Variants in ARHGAP15 observed in about 807,000 individuals in gnomAD.
ARHGAP15 encodes rho GTPase-activating protein 15.
Under a neutral mutation model 63.7 loss-of-function variants are expected in ARHGAP15, and 51 were observed. The ratio of observed to expected loss-of-function variants is 0.80; its 90% CI spans 0.64 to 1.01. ARHGAP15 has a LOEUF of 1.01. ARHGAP15 is among the 50% of genes least tolerant of loss of function. The pLI is 0.00. For synonymous variants in ARHGAP15, 191 were observed against 193.8 expected (o/e 0.99, Z 0.12); for missense variants, 560 against 564.6 (o/e 0.99, Z 0.08).
At chr2:143,737,983 C>T (rs993590684) in intron 13 of ARHGAP15, among the ~76,000 whole-genome samples, 1 of 152,076 alleles carries the variant, frequency 6.6e-6, no homozygotes, top group Non-Finnish European at 1.5e-5. Flanking sequence ...GTCTCAAACT[C>T]CTGACCTCAG....
At chr2:143,164,418 C>G (rs1400404574) in intron 2 of ARHGAP15, among the ~76,000 whole-genome samples, 1 of 152,020 alleles carries the variant, frequency 6.6e-6, no homozygotes, top group Admixed American at 6.6e-5. Context: ...GCCATCTTCT[C>G]TATATGAAAT....
chr2:143,220,635 C>T (rs548145979), intron 4 of ARHGAP15, among the ~76,000 whole-genome samples: 14 of 152,238 alleles, frequency 9.2e-5, no homozygotes, highest in Middle Eastern at 3.4e-3. Flanking sequence ...ATGCTTTTAT[C>T]ACTAGCAACA....
chr2:143,487,403 C>A lies in ARHGAP15; in HGVS notation c.734C>A (p.Thr245Lys), dbSNP rs1189278651. The A allele has an allele frequency of 1.9e-6, 3 of 1,613,584 alleles. No homozygotes were observed. The Admixed American group carries it at 5.0e-5, about 27-fold the overall frequency. Residue 245 changes from threonine to lysine, a missense_variant, in exon 9 of 14, where the codon ACA becomes AAA. Transcript: ENST00000295095. ...MFRLHHSASD[T>K]SDKNRVKSRL... ...AGACTGCATCACAGTGCTTCCGATA[C>A]AAGCGACAAAAATCGAGTTAAAAGC...
chr2:143,713,022 G>A (rs1684651790), intron 13 of ARHGAP15, among the ~76,000 whole-genome samples: 1 of 152,154 alleles, frequency 6.6e-6, no homozygotes, highest in Middle Eastern at 3.2e-3. Flanking sequence ...TTGAACAAAT[G>A]GAATCGCGTT....
intron 8 of ARHGAP15, among the ~76,000 whole-genome samples, chr2:143,460,150 A>T (rs989309802): frequency 2.0e-5 from 3 of 152,156 alleles, no homozygotes; most frequent in African/African-American, 7.2e-5. Context: ...TTTCCATAAT[A>T]AATGTTTGTT....
At chr2:143,257,818 A>T (rs866378222) in intron 6 of ARHGAP15, among the ~76,000 whole-genome samples, 1 of 152,110 alleles carries the variant, frequency 6.6e-6, no homozygotes, top group Non-Finnish European at 1.5e-5. Context: ...CCACTGGGGA[A>T]TTTTATGGAG....
intron 12 of ARHGAP15, among the ~76,000 whole-genome samples, chr2:143,639,866 T>A (rs1680523403): frequency 6.6e-6 from 1 of 152,142 alleles, no homozygotes; most frequent in African/African-American, 2.4e-5. Flanking sequence ...GTATTCCACT[T>A]TTTAAAAAAT....
At chr2:143,545,557 G>A (rs1006002351) in intron 10 of ARHGAP15, among the ~76,000 whole-genome samples, 2 of 151,900 alleles carry the variant, frequency 1.3e-5, no homozygotes, top group African/African-American at 4.8e-5. Flanking sequence ...AAGCGTTCTC[G>A]GGGTCTGTAT....
intron 6 of ARHGAP15, among the ~76,000 whole-genome samples, chr2:143,353,298 TTAAATAA>T (rs1316592660): frequency 6.6e-6 from 1 of 152,044 alleles, no homozygotes; most frequent in African/African-American, 2.4e-5. Flanking sequence ...TCTAAAAAAA[TTAAATAA>T]TAAAAGATTG....
chr2:143,682,128 T>C (rs1046050299), intron 12 of ARHGAP15, among the ~76,000 whole-genome samples: 2 of 152,260 alleles, frequency 1.3e-5, no homozygotes, highest in African/African-American at 4.8e-5. Flanking sequence ...TTCTATACAG[T>C]AGCAGTGCAC....
intron 2 of ARHGAP15, among the ~76,000 whole-genome samples, chr2:143,172,662 C>G (rs1690835857): frequency 6.6e-6 from 1 of 151,950 alleles, no homozygotes; most frequent in East Asian, 1.9e-4. Flanking sequence ...GATGGAGAAA[C>G]TGGGTGGATG....
intron 2 of ARHGAP15, among the ~76,000 whole-genome samples, chr2:143,200,463 A>G (rs1173375563): frequency 1.3e-5 from 2 of 151,724 alleles, no homozygotes; most frequent in East Asian, 3.9e-4. Flanking sequence ...GCCAGTAACC[A>G]GAACCAAAAA....
At chr2:143,302,849 A>G (rs1434274948) in intron 6 of ARHGAP15, among the ~76,000 whole-genome samples, 1 of 152,038 alleles carries the variant, frequency 6.6e-6, no homozygotes, top group Admixed American at 6.6e-5. Flanking sequence ...CTGATTGGTG[A>G]GGATAAACAA....
intron 5 of ARHGAP15, among the ~76,000 whole-genome samples, chr2:143,248,740 G>A (rs982870042): frequency 1.3e-5 from 2 of 152,118 alleles, no homozygotes; most frequent in Non-Finnish European, 2.9e-5. Context: ...AGGAAAATAC[G>A]GAATCTTCCT....
At chr2:143,622,355 G>A (rs1448733287) in intron 11 of ARHGAP15, among the ~76,000 whole-genome samples, 2 of 152,190 alleles carry the variant, frequency 1.3e-5, no homozygotes, top group Non-Finnish European at 2.9e-5. Flanking sequence ...CGCAGGGGGT[G>A]TGGCACCATA....
At chr2:143,500,778 G>T (rs1473519219) in intron 9 of ARHGAP15, among the ~76,000 whole-genome samples, 1 of 152,140 alleles carries the variant, frequency 6.6e-6, no homozygotes, top group Non-Finnish European at 1.5e-5. Flanking sequence ...AGCCGTCTAA[G>T]AAACTGCTAC....
chr2:143,674,736 T>C (rs1682740104), intron 12 of ARHGAP15, among the ~76,000 whole-genome samples: 1 of 152,182 alleles, frequency 6.6e-6, no homozygotes, highest in Non-Finnish European at 1.5e-5. Flanking sequence ...AGCGTTATGT[T>C]TACGAAAACA....
intron 6 of ARHGAP15, among the ~76,000 whole-genome samples, chr2:143,423,806 C>T (rs529205611): frequency 2.0e-5 from 3 of 151,930 alleles, no homozygotes; most frequent in Admixed American, 1.3e-4. Context: ...TTTATGTAGC[C>T]CTTATAATGG....
intron 6 of ARHGAP15, among the ~76,000 whole-genome samples, chr2:143,368,353 G>T (rs947739423): frequency 6.6e-6 from 1 of 152,082 alleles, no homozygotes; most frequent in African/African-American, 2.4e-5. Context: ...ACCTGGAGAT[G>T]AGGAACAGTG....
Sources: allele counts gnomAD v4.1 joint callset (sites outside exome capture counted in the v4.1 genomes callset), GRCh38; gene constraint gnomAD v4.1.1; transcripts MANE v1.5; gene names NCBI Gene and HGNC (gene_info 2026-07-23, HGNC 2026-07-21).